PHTF1: variants seen among roughly 807,000 people sequenced by gnomAD.
PHTF1 encodes putative homeodomain transcription factor 1.
PHTF1 carries 88 observed loss-of-function variants against 102.4 expected under a neutral mutation model. The observed-to-expected ratio is 0.86, with a 90% CI of 0.72 to 1.03. The LOEUF is 1.03. Ranked by LOEUF, PHTF1 falls within the 50% of genes least tolerant of loss-of-function variation. The pLI, the probability that PHTF1 is intolerant of heterozygous loss-of-function variation, is 0.00. For missense variants in PHTF1, 814 were observed against 909.5 expected (o/e 0.89, Z 1.35); for synonymous variants, 289 against 305.2 (o/e 0.95, Z 0.55).
At chr1:113,727,222 A>G (rs1223103026) in intron 5 of PHTF1, among the ~76,000 whole-genome samples, 1 of 152,216 alleles carries the variant, frequency 6.6e-6, no homozygotes, top group African/African-American at 2.4e-5. Flanking sequence ...AAAGTTACCT[A>G]TTCCATGCCC....
At chr1:113,699,500 T>C (rs3752954) in intron 17 of PHTF1, 178,716 of 650,322 alleles carry the variant, frequency 0.27, 26,891 homozygotes, top group South Asian at 0.39. Context: ...CCACTCTTTG[T>C]CCTTAATCTT....
chr1:113,698,616 T>TACACAC (rs751234625), intron 17 of PHTF1, among the ~76,000 whole-genome samples: 14 of 114,120 alleles, frequency 1.2e-4, no homozygotes, highest in African/African-American at 3.9e-4. Flanking sequence ...TTTATATATA[T>TACACAC]ATATACACAC....
intron 7 of PHTF1, among the ~76,000 whole-genome samples, chr1:113,715,518 T>C (rs2101237909): frequency 6.6e-6 from 1 of 151,710 alleles, no homozygotes; most frequent in South Asian, 2.1e-4. Flanking sequence ...TGCAATGGCA[T>C]GTGCCTGTAG....
intron 3 of PHTF1, among the ~76,000 whole-genome samples, chr1:113,756,995 G>A (rs1380639550): frequency 2.6e-5 from 4 of 152,010 alleles, no homozygotes; most frequent in South Asian, 2.1e-4. Context: ...GTGAAACCCC[G>A]TCTCTACTAA....
At chr1:113,712,152 C>T (rs892977498) in intron 8 of PHTF1, 39 bp from the exon 9 acceptor site, 1 of 1,522,992 alleles carries the variant, frequency 6.6e-7, no homozygotes, top group East Asian at 2.3e-5. Context: ...GGGGACAGCC[C>T]AAAATATTCT....
intron 3 of PHTF1, among the ~76,000 whole-genome samples, chr1:113,754,658 T>C (rs892277512): frequency 2.0e-5 from 3 of 152,200 alleles, no homozygotes; most frequent in East Asian, 1.9e-4. Context: ...TTTGTTAATA[T>C]AGACATTGAG....
In PHTF1 at chr1:113,697,608, C is replaced by A; in HGVS notation, c.*97G>T. 4.8e-6 allele frequency: 4 copies of A among 839,074 alleles called. No individual in the cohort carries two copies. The highest frequency in any genetic ancestry group is 8.1e-6 in the Non-Finnish European group (4 of 492,726). The allele number at this position is 839,074 out of a possible 1,614,324, so 52.0% of individuals were successfully genotyped here. ...AGCTGAGAGCACCTGTGCATGTGAACAAGCAGGTGGGTATCTCACTGGTTT... is the reference window on the plus strand; with the variant it reads ...AGCTGAGAGCACCTGTGCATGTGAAAAAGCAGGTGGGTATCTCACTGGTTT... On this transcript the variant is annotated 3_prime_UTR_variant, in exon 19 of 19. Transcript: ENST00000369604.
At chr1:113,725,006 T>G in intron 6 of PHTF1, 113 bp from the exon 7 acceptor site, 1 of 732,856 alleles carries the variant, frequency 1.4e-6, no homozygotes, top group Non-Finnish European at 2.1e-6. Context: ...TCAAGTATAG[T>G]TTAACTTCAT....
At chr1:113,738,315 T>C in intron 4 of PHTF1, 47 bp from the exon 5 acceptor site, 1 of 1,451,462 alleles carries the variant, frequency 6.9e-7, no homozygotes, top group Non-Finnish European at 9.6e-7. Context: ...ATATACACTG[T>C]ATTGAAGGCC....
chr1:113,757,659 A>T, intron 3 of PHTF1, 40 bp downstream of exon 3: 2 of 1,283,870 alleles, frequency 1.6e-6, no homozygotes, highest in Non-Finnish European at 2.3e-6. Context: ...CTTCATATTA[A>T]TGCAGTGAAA....
At chr1:113,754,158 C>T (rs1658509977) in intron 3 of PHTF1, among the ~76,000 whole-genome samples, 1 of 152,150 alleles carries the variant, frequency 6.6e-6, no homozygotes, top group African/African-American at 2.4e-5. Context: ...TGCCTATAAT[C>T]TCGGCACTTT....
At chr1:113,701,000 T>G (rs575095978) in intron 15 of PHTF1, 51 bp from the exon 16 acceptor site, 2 of 1,310,342 alleles carry the variant, frequency 1.5e-6, no homozygotes, top group Admixed American at 2.1e-5. Flanking sequence ...CTTAAAATCA[T>G]GTAATTACTC....
At chr1:113,713,546 G>A (rs1366369518) in intron 7 of PHTF1, 108 bp from the exon 8 acceptor site, 1 of 658,308 alleles carries the variant, frequency 1.5e-6, no homozygotes, top group Non-Finnish European at 2.6e-6. Context: ...TCAAGAAAAT[G>A]CAGGAATCAT....
intron 11 of PHTF1, 114 bp downstream of exon 11, chr1:113,710,140 T>G (rs1650823603): frequency 8.0e-6 from 6 of 749,338 alleles, no homozygotes; most frequent in Admixed American, 2.2e-5. Flanking sequence ...AAACTGGGGA[T>G]AATAATAGTA....
At chr1:113,705,778 C>T (rs770082289) in intron 13 of PHTF1, 112 bp downstream of exon 13, 2 of 733,446 alleles carry the variant, frequency 2.7e-6, no homozygotes, top group Non-Finnish European at 4.5e-6. Flanking sequence ...ACTTATCAAT[C>T]CTTTATTGCC....
intron 7 of PHTF1, among the ~76,000 whole-genome samples, chr1:113,722,420 T>TA (rs1183443855): frequency 6.6e-6 from 1 of 151,812 alleles, no homozygotes; most frequent in African/African-American, 2.4e-5. Context: ...GCTTTGGCGA[T>TA]AGAGCGAGAC....
At chr1:113,736,159 G>A (rs187945497) in intron 5 of PHTF1, among the ~76,000 whole-genome samples, 4 of 151,386 alleles carry the variant, frequency 2.6e-5, no homozygotes, top group East Asian at 2.0e-4. Flanking sequence ...TGGCTAACAC[G>A]GTGAAACCCC....
At chr1:113,733,481 T>C (rs1449723109) in intron 5 of PHTF1, among the ~76,000 whole-genome samples, 2 of 152,164 alleles carry the variant, frequency 1.3e-5, no homozygotes, top group East Asian at 1.9e-4. Flanking sequence ...CTATAACATA[T>C]GTCCCCAACA....
At chr1:113,716,158 C>G (rs1651997359) in intron 7 of PHTF1, among the ~76,000 whole-genome samples, 2 of 151,934 alleles carry the variant, frequency 1.3e-5, no homozygotes, top group Admixed American at 6.6e-5. Context: ...AAGATTACCT[C>G]AAGGCATTTA....
Sources: gnomAD v4.1 joint callset for allele counts (sites outside exome capture counted in the v4.1 genomes callset) on GRCh38, gnomAD v4.1.1 for gene constraint, MANE v1.5 for transcripts, NCBI Gene and HGNC (gene_info 2026-07-23, HGNC 2026-07-21) for gene names.